FADS2: variants seen among roughly 807,000 people sequenced by gnomAD.
FADS2 encodes acyl-CoA 6-desaturase.
In FADS2, 18 loss-of-function variants were observed where a neutral mutation model predicts 61.2. That is an observed-to-expected ratio of 0.29 (90% confidence interval 0.20 to 0.44). FADS2 has a LOEUF of 0.44. Among genes scored for constraint, FADS2 ranks in the 20% least tolerant of loss-of-function variants. The pLI is 1.00. For synonymous variants in FADS2, 203 were observed against 223.9 expected (o/e 0.91, Z 0.83); for missense variants, 322 against 572.7 (o/e 0.56, Z 4.47).
chr11:61,843,939 G>A (rs2067236071), intron 4 of FADS2, among the ~76,000 whole-genome samples: 1 of 151,950 alleles, frequency 6.6e-6, no homozygotes, highest in Non-Finnish European at 1.5e-5. Flanking sequence ...GAGATTACAG[G>A]CATGAGCCAC....
At chr11:61,837,662 C>G in intron 1 of FADS2, 116 bp from the exon 2 acceptor site, 2 of 703,086 alleles carry the variant, frequency 2.8e-6, no homozygotes, top group Non-Finnish European at 5.0e-6. Flanking sequence ...CACAGGAGAC[C>G]CCGTTTGGTG....
chr11:61,828,501 G>T lies in FADS2; in HGVS notation c.111G>T (p.Leu37=), dbSNP rs889560623. ...QKHNLRTDRW[L]VIDRKVYNIT... is the part of the protein sequence containing the mutation. ...ATAACCTGCGCACCGACAGGTGGCTGGTCATTGACCGCAAGGTTTACAACA... is the reference window on the plus strand; with the variant it reads ...ATAACCTGCGCACCGACAGGTGGCTTGTCATTGACCGCAAGGTTTACAACA... Residue 37 remains leucine (L), a synonymous_variant, in exon 1 of 12, where the codon CTG becomes CTT. Transcript: ENST00000278840. The surrounding 1 kb of genome is among the most constrained non-coding windows in gnomAD (Gnocchi z 6.4). 2.5e-6 allele frequency: 4 copies of T among 1,613,478 alleles called. No homozygotes were observed. The highest frequency in any genetic ancestry group is 1.3e-5 in the African/African-American group (1 of 74,946).
At chr11:61,840,210 C>CT (rs376072170) in intron 2 of FADS2, 124 bp from the exon 3 acceptor site, 1 of 776,524 alleles carries the variant, frequency 1.3e-6, no homozygotes, top group Admixed American at 2.0e-5. Context: ...AGGCTTGTGG[C>CT]TTGGCCCCCT....
intron 5 of FADS2, chr11:61,855,522 A>G (rs967312824): frequency 2.6e-5 from 4 of 152,254 alleles, no homozygotes; most frequent in African/African-American, 4.8e-5. Context: ...GGCCTTAATA[A>G]TAGTCTTCCT....
intron 1 of FADS2, among the ~76,000 whole-genome samples, chr11:61,833,909 T>C (rs115342521): frequency 1.6e-3 from 240 of 152,360 alleles, no homozygotes; most frequent in African/African-American, 5.6e-3. Flanking sequence ...TAGGCCCCGT[T>C]ACAGGCACTG....
chr11:61,861,165 G>C (rs556275857), intron 7 of FADS2, among the ~76,000 whole-genome samples: 1 of 151,578 alleles, frequency 6.6e-6, no homozygotes, highest in Non-Finnish European at 1.5e-5. Flanking sequence ...CCATCCTGGC[G>C]AACACGGTGA....
intron 4 of FADS2, among the ~76,000 whole-genome samples, chr11:61,845,574 C>T (rs1264377554): frequency 1.3e-5 from 2 of 152,024 alleles, no homozygotes; most frequent in Non-Finnish European, 2.9e-5. Flanking sequence ...GGGCGGATCA[C>T]CTGGGTTCAG....
chr11:61,865,742 A>G lies in FADS2; in HGVS notation c.*53A>G, dbSNP rs1423300097. On this transcript the variant is annotated 3_prime_UTR_variant, in exon 12 of 12. Coordinates refer to ENST00000278840, the MANE Select transcript of FADS2 (RefSeq NM_004265.4). This position sits in a 1 kb window ranked among gnomAD's most constrained non-coding sequence, Gnocchi z 4.1. ...AAGGGGTGCAGGTGGGGTGATGGCC[A>G]GAGGAATGATGGGCTTTTGTTCTGA... 6.7e-7 allele frequency: 1 copy of G among 1,503,188 alleles called. No homozygotes were observed. Among genetic ancestry groups the G allele is most frequent in the East Asian group, 2.3e-5 (1 of 42,908 alleles). The allele number at this position is 1,503,188 out of a possible 1,614,324, so 93.1% of individuals were successfully genotyped here.
upstream of FADS2, among the ~76,000 whole-genome samples, chr11:61,824,385 G>A (rs2067053388): frequency 8.1e-6 from 1 of 124,172 alleles, no homozygotes; most frequent in African/African-American, 3.0e-5. Flanking sequence ...CCATCTTGGG[G>A]GAAAAAAAAA....
chr11:61,828,465 G>T lies in FADS2; in HGVS notation c.75G>T (p.Glu25Asp). Residue 25 changes from glutamate to aspartate, a missense_variant, in exon 1 of 12, where the codon GAG (glutamate) becomes GAT (aspartate). Glu to Asp is a conservative substitution (Grantham distance 45). Around this residue, in one of 3 missense-constraint regions of FADS2, gnomAD observed 61 missense variants for 107.4 expected, o/e 0.57. Coordinates refer to ENST00000278840, the MANE Select transcript of FADS2 (RefSeq NM_004265.4). This position sits in a 1 kb window ranked among gnomAD's most constrained non-coding sequence, Gnocchi z 6.4. ...CGGTGCCCACCTTCAGCTGGGAGGA[G>T]ATTCAGAAGCATAACCTGCGCACCG... ...EVSVPTFSWEEIQKHNLRTDR... is the reference protein window; with the variant it reads ...EVSVPTFSWEDIQKHNLRTDR... The T allele has an allele frequency of 6.2e-7, 1 of 1,607,940 alleles. No individual in the cohort carries two copies. Among genetic ancestry groups the T allele is most frequent in the Non-Finnish European group, 8.5e-7 (1 of 1,178,048 alleles).
chr11:61,825,750 G>A (rs1277409421), upstream of FADS2, among the ~76,000 whole-genome samples: 2 of 151,858 alleles, frequency 1.3e-5, no homozygotes, highest in African/African-American at 2.4e-5. Context: ...AAAATTAGCC[G>A]GGTGTGGTGG....
At chr11:61,853,128 C>T (rs1041232470) in intron 5 of FADS2, among the ~76,000 whole-genome samples, 1 of 151,728 alleles carries the variant, frequency 6.6e-6, no homozygotes, top group Non-Finnish European at 1.5e-5. Context: ...GCACTCCAGC[C>T]TGGGCGACAG....
intron 4 of FADS2, chr11:61,846,730 G>C (rs1348213274): frequency 6.6e-6 from 1 of 152,144 alleles, no homozygotes; most frequent in Non-Finnish European, 1.5e-5. Context: ...TCTGAGCTGA[G>C]GAGACGGACA....
Position 61,828,332 on chromosome 11 carries a change from C to A in FADS2, c.-59C>A. On this transcript the variant is annotated 5_prime_UTR_variant, in exon 1 of 12. Coordinates refer to ENST00000278840, the MANE Select transcript of FADS2 (RefSeq NM_004265.4). This position sits in a 1 kb window ranked among gnomAD's most constrained non-coding sequence, Gnocchi z 6.4. ...ACCGGCTGGGAGGCAGCCGTCTGTG[C>A]AGCGAGCAGCCGGCGCGGGGAGGCC... The A allele has an allele frequency of 6.5e-7, 1 of 1,535,776 alleles. No homozygotes were observed. The highest frequency in any genetic ancestry group is 8.8e-7 in the Non-Finnish European group (1 of 1,141,138).
In FADS2 at chr11:61,866,758, T is replaced by G. The variant is rs2067474479; in HGVS notation, c.*1069T>G. ...GCACTCTCCTGTCTGAACCTGCCCT[T>G]ACTGTGTTTAACCTGTTGCTCCAGG... On this transcript the variant is annotated 3_prime_UTR_variant, in exon 12 of 12. Coordinates refer to ENST00000278840, the MANE Select transcript of FADS2 (RefSeq NM_004265.4). 1 of 152,662 alleles carries G rather than the reference T, an allele frequency of 6.6e-6. No individual in the cohort carries two copies. The allele number at this position is 152,662 out of a possible 1,614,324, so 9.5% of individuals were successfully genotyped here.
At chr11:61,828,206 G>A, upstream of FADS2, 1 of 1,427,418 alleles carries the variant, frequency 7.0e-7, no homozygotes, top group South Asian at 1.5e-5. The surrounding 1 kb of genome is among the most constrained non-coding windows in gnomAD (Gnocchi z 6.4). Flanking sequence ...CAGGAAGGCA[G>A]GGACACTCCC....
intron 1 of FADS2, among the ~76,000 whole-genome samples, chr11:61,819,865 C>T (rs189525061): frequency 3.9e-5 from 5 of 127,224 alleles, no homozygotes; most frequent in Non-Finnish European, 8.1e-5. Flanking sequence ...ATCCCTCCCC[C>T]CTCCCCCGAA....
chr11:61,863,319 A>T lies in FADS2; in HGVS notation c.1018A>T (p.Met340Leu). 6.2e-7 allele frequency: 1 copy of T among 1,614,064 alleles called. No homozygotes were observed. The highest frequency in any genetic ancestry group is 1.1e-5 in the South Asian group (1 of 91,072). Residue 340 changes from methionine to leucine, a missense_variant, in exon 9 of 12, where the codon ATG (methionine) becomes TTG (leucine). Physicochemically the swap from Met to Leu is conservative, Grantham distance 15 (BLOSUM62 2). Transcript: ENST00000278840. ...ESHWFVWVTQ[M>L]NHIVMEIDQE... ...CCACTGGTTTGTGTGGGTCACACAG[A>T]TGAATCACATCGTCATGGAGATTGA... is the stretch of plus-strand genomic sequence containing the variant.
chr11:61,828,092 C>T (rs968567), upstream of FADS2: 203,726 of 1,281,338 alleles, frequency 0.16, 18,233 homozygotes, highest in Non-Finnish European at 0.18. The surrounding 1 kb of genome is among the most constrained non-coding windows in gnomAD (Gnocchi z 6.4). Flanking sequence ...GCCCTGAGCT[C>T]CCGGGGAGTT....
Sources: gnomAD v4.1 joint callset for allele counts (sites outside exome capture counted in the v4.1 genomes callset) on GRCh38, gnomAD v4.1.1 for gene constraint, gnomAD v4.1.1 regional missense constraint, Gnocchi (gnomAD v3.1) non-coding constraint, MANE v1.5 for transcripts, NCBI Gene and HGNC (gene_info 2026-07-23, HGNC 2026-07-21) for gene names.